The following FAM78B variants were observed in gnomAD, a reference collection of about 807,000 sequenced individuals.
FAM78B encodes the protein family with sequence similarity 78 member B.
A neutral mutation model predicts 20.0 loss-of-function variants in FAM78B; 10 were observed. That is an observed-to-expected ratio of 0.50 (90% CI 0.31 to 0.85). The LOEUF is 0.85. FAM78B is among the 40% of genes least tolerant of loss of function. The pLI, the probability that FAM78B is intolerant of heterozygous loss-of-function variation, is 0.05. For synonymous variants in FAM78B, 135 were observed against 132.8 expected (o/e 1.02, Z -0.12); for missense variants, 283 against 345.0 (o/e 0.82, Z 1.42).
At chr1:166,108,766 T>A (rs2101754555) in intron 1 of FAM78B, among the ~76,000 whole-genome samples, 1 of 152,194 alleles carries the variant, frequency 6.6e-6, no homozygotes, top group Admixed American at 6.5e-5. Flanking sequence ...AACTGTACTA[T>A]AAGGCCATAT....
At chr1:166,105,400 C>T (rs200125624) in intron 1 of FAM78B, among the ~76,000 whole-genome samples, 22,811 of 151,620 alleles carry the variant, frequency 0.15, 1,972 homozygotes, top group East Asian at 0.27. Flanking sequence ...AAAGAAACTA[C>T]CATCAGAGTG....
At chr1:166,077,921 TAATA>T (rs1380884588) in intron 1 of FAM78B, among the ~76,000 whole-genome samples, 88 of 1,662 alleles carry the variant, frequency 0.053, 9 homozygotes, top group Middle Eastern at 0.25. Flanking sequence ...ATTATATATA[TAATA>T]AATATATAAT....
intron 1 of FAM78B, among the ~76,000 whole-genome samples, chr1:166,114,402 C>A (rs1169875199): frequency 6.6e-6 from 1 of 152,162 alleles, no homozygotes; most frequent in Admixed American, 6.5e-5. Flanking sequence ...TAATTTTGAT[C>A]CAGTTTGGAA....
chr1:166,094,605 T>G (rs1374322563), intron 1 of FAM78B, among the ~76,000 whole-genome samples: 2 of 152,260 alleles, frequency 1.3e-5, no homozygotes, highest in African/African-American at 4.8e-5. Context: ...CTTAGAAGAC[T>G]GATAATGCAG....
At chr1:166,149,807 G>A (rs1322776545) in intron 1 of FAM78B, among the ~76,000 whole-genome samples, 1 of 152,112 alleles carries the variant, frequency 6.6e-6, no homozygotes, top group South Asian at 2.1e-4. Context: ...TCTGGAGAGT[G>A]TCAGCCTGCT....
At chr1:166,129,438 A>G (rs4657520) in intron 1 of FAM78B, among the ~76,000 whole-genome samples, 116,701 of 152,140 alleles carry the variant, frequency 0.77, 45,102 homozygotes, top group Non-Finnish European at 0.82. Context: ...AATGGATTCA[A>G]GAAGCCCATC....
intron 1 of FAM78B, among the ~76,000 whole-genome samples, chr1:166,095,264 C>T (rs1265406213): frequency 6.6e-6 from 1 of 152,040 alleles, no homozygotes; most frequent in Non-Finnish European, 1.5e-5. Flanking sequence ...GCATGGCATA[C>T]TCGATGCAGC....
intron 1 of FAM78B, among the ~76,000 whole-genome samples, chr1:166,117,730 G>T (rs945481389): frequency 6.6e-6 from 1 of 152,190 alleles, no homozygotes; most frequent in Non-Finnish European, 1.5e-5. Flanking sequence ...TATCTAAAGG[G>T]TTATGGTATA....
chr1:166,100,932 G>A (rs2101746713), intron 1 of FAM78B, among the ~76,000 whole-genome samples: 1 of 152,342 alleles, frequency 6.6e-6, no homozygotes, highest in South Asian at 2.1e-4. Context: ...GCCTAACTGG[G>A]AGGCACCCCC....
chr1:166,057,213 A>G (rs1022264235), downstream of FAM78B, among the ~76,000 whole-genome samples: 1 of 152,176 alleles, frequency 6.6e-6, no homozygotes, highest in African/African-American at 2.4e-5. Flanking sequence ...TTCCCCTTAC[A>G]GTTGTCCATG....
At chr1:166,098,886 G>A (rs1241990096) in intron 1 of FAM78B, among the ~76,000 whole-genome samples, 4 of 152,138 alleles carry the variant, frequency 2.6e-5, no homozygotes, top group Admixed American at 1.3e-4. Context: ...AATACAAGGA[G>A]CACAAAGAAC....
chr1:166,137,051 T>C (rs1036023809), intron 1 of FAM78B, among the ~76,000 whole-genome samples: 3 of 152,200 alleles, frequency 2.0e-5, no homozygotes, highest in East Asian at 1.9e-4. Flanking sequence ...TTACTTTTCC[T>C]ACAGATCTAT....
At chr1:166,141,389 T>C (rs1339023985) in intron 1 of FAM78B, among the ~76,000 whole-genome samples, 2 of 152,240 alleles carry the variant, frequency 1.3e-5, no homozygotes, top group Non-Finnish European at 1.5e-5. Context: ...TTCCTCTCCC[T>C]GAACATCTTT....
intron 1 of FAM78B, among the ~76,000 whole-genome samples, chr1:166,085,733 A>T (rs1343806206): frequency 2.0e-5 from 3 of 152,310 alleles, no homozygotes; most frequent in Admixed American, 1.3e-4. Flanking sequence ...GACCAGAAAG[A>T]ACATAACCGA....
chr1:166,125,312 G>A (rs1417484131), intron 1 of FAM78B, among the ~76,000 whole-genome samples: 1 of 152,100 alleles, frequency 6.6e-6, no homozygotes, highest in Non-Finnish European at 1.5e-5. Context: ...GTTGCATATT[G>A]AGGCTGAGTC....
chr1:166,155,119 A>G (rs73046946), intron 1 of FAM78B, among the ~76,000 whole-genome samples: 6,847 of 152,252 alleles, frequency 0.045, 344 homozygotes, highest in Admixed American at 0.14. Context: ...GCTGGGAGGC[A>G]AGGAGACTAG....
intron 1 of FAM78B, among the ~76,000 whole-genome samples, chr1:166,122,054 G>T (rs573779790): frequency 6.6e-6 from 1 of 152,284 alleles, no homozygotes; most frequent in South Asian, 2.1e-4. Context: ...CTGCTTTTCG[G>T]AATCACAGAT....
intron 1 of FAM78B, among the ~76,000 whole-genome samples, chr1:166,158,402 C>T (rs1462050781): frequency 6.6e-6 from 1 of 152,224 alleles, no homozygotes; most frequent in African/African-American, 2.4e-5. Context: ...AGACTCCTGG[C>T]ACGGCTCCTT....
chr1:166,109,859 T>TATATATAC (rs1653954417), intron 1 of FAM78B, among the ~76,000 whole-genome samples: 1 of 23,690 alleles, frequency 4.2e-5, no homozygotes, highest in African/African-American at 1.2e-4. Context: ...TATATATATA[T>TATATATAC]ATGTATGTGT....
Sources: gnomAD v4.1 joint callset for allele counts (sites outside exome capture counted in the v4.1 genomes callset) on GRCh38, gnomAD v4.1.1 for gene constraint, MANE v1.5 for transcripts, NCBI Gene and HGNC (gene_info 2026-07-23, HGNC 2026-07-21) for gene names.